CCDC81: variants seen among roughly 807,000 people sequenced by gnomAD.
The protein encoded by CCDC81 is coiled-coil domain-containing protein 81.
In CCDC81, 79 loss-of-function variants were observed where a neutral mutation model predicts 83.7. The ratio of observed to expected loss-of-function variants is 0.94; its 90% confidence interval spans 0.79 to 1.14. The LOEUF is 1.14. CCDC81 is among the 50% of genes most tolerant of loss of function. The pLI is 0.00. For synonymous variants in CCDC81, 252 were observed against 278.1 expected, an observed-to-expected ratio of 0.91 and a Z score of 0.93; for missense variants, 791 against 778.1, an observed-to-expected ratio of 1.02 and a Z score of -0.20.
chr11:86,422,050 C>T (rs1948798776), intron 14 of CCDC81, among the ~76,000 whole-genome samples: 1 of 152,152 alleles, frequency 6.6e-6, no homozygotes, highest in Non-Finnish European at 1.5e-5. Context: ...CTTTTAGTTG[C>T]TTTTGTCTTC....
chr11:86,397,891 C>A, intron 6 of CCDC81, 149 bp downstream of exon 6: 1 of 912,512 alleles, frequency 1.1e-6, no homozygotes, highest in Non-Finnish European at 1.5e-6. Flanking sequence ...TCGCTGTTGC[C>A]CAGGCTGTAG....
chr11:86,400,529 A>T, intron 6 of CCDC81, 149 bp from the exon 7 acceptor site: 2 of 780,830 alleles, frequency 2.6e-6, no homozygotes, highest in Non-Finnish European at 3.8e-6. Flanking sequence ...TACAGCAAAA[A>T]CATTTTTTTA....
At position 86,386,102 on chromosome 11, in the gene CCDC81, C is replaced by T. The variant is rs1326084006; in HGVS notation, c.131C>T (p.Thr44Ile). 2.8e-6 allele frequency: 4 copies of T among 1,436,296 alleles called. No homozygotes were observed. Among genetic ancestry groups the T allele is most frequent in the Non-Finnish European group, 3.8e-6 (4 of 1,058,090 alleles). 89.0% of individuals were successfully genotyped at this position (1,436,296 alleles called of 1,614,324 possible). ...NVSEFVRRQL[T>I]LHKGVQIPAF... ...TCAGAATTTGTGAGACGGCAGTTAACCCTGCACAAGGTAAGATTTATTAAT... is the reference window on the plus strand; with the variant it reads ...TCAGAATTTGTGAGACGGCAGTTAATCCTGCACAAGGTAAGATTTATTAAT... The change falls in exon 2 of 15, where the codon ACC (threonine) becomes ATC (isoleucine). Residue 44 changes from threonine to isoleucine, a missense_variant. Transcript: ENST00000445632.
rs569178637 is a variant in CCDC81, at chr11:86,397,516, A to C, written c.636-105A>C. ...CTCACCCCTTGAAGAAAGTGGGCTTATTTCAGAATCAGCCAGCTGGCTGGG... is the reference window on the plus strand; with the variant it reads ...CTCACCCCTTGAAGAAAGTGGGCTTCTTTCAGAATCAGCCAGCTGGCTGGG... On this transcript the variant is annotated intron_variant, in intron 5 of 14. Transcript: ENST00000445632. The C allele has an allele frequency of 2.2e-5, 31 of 1,389,896 alleles. No homozygotes were observed. In the African/African-American group the frequency reaches 3.9e-4, roughly 17 times the overall value. The allele number at this position is 1,389,896 out of a possible 1,614,324, so 86.1% of individuals were successfully genotyped here. A position where few individuals can be genotyped will look rare whatever the true frequency, so the allele number is the denominator to read the frequency against.
chr11:86,394,635 T>G (rs1281443123), intron 4 of CCDC81, among the ~76,000 whole-genome samples: 1 of 152,238 alleles, frequency 6.6e-6, no homozygotes, highest in Non-Finnish European at 1.5e-5. Context: ...TAATGCTGCT[T>G]TTATTAGAAA....
intron 1 of CCDC81, among the ~76,000 whole-genome samples, chr11:86,381,701 A>G (rs1039317208): frequency 1.3e-5 from 2 of 152,146 alleles, no homozygotes; most frequent in Non-Finnish European, 2.9e-5. Context: ...ACCCAAGAAG[A>G]GTTGTTGATT....
In CCDC81 at chr11:86,420,043, G is replaced by A. The variant is rs144706705; in HGVS notation, c.1807G>A (p.Ala603Thr). The stretch of plus-strand genomic sequence containing the variant: ...GAAGCAGCGAGACCTGGAGGACAAG[G>A]CTTTTGAACGGTAATGCCTGATTGG... Reference protein sequence around the residue: ...MKKQRDLEDKAFERASDKLFL... With the variant: ...MKKQRDLEDKTFERASDKLFL... The change falls in exon 14 of 15, where the codon GCT (alanine) becomes ACT (threonine). Residue 603 changes from alanine to threonine, a missense_variant. By Grantham distance (58) the Ala-to-Thr change is moderately conservative (BLOSUM62 0). Coordinates refer to ENST00000445632, the MANE Select transcript of CCDC81 (RefSeq NM_001156474.2). The A allele has an allele frequency of 2.9e-5, 46 of 1,612,990 alleles. No individual in the cohort carries two copies. The highest frequency in any genetic ancestry group is 3.9e-5 in the Non-Finnish European group (46 of 1,179,716).
chr11:86,422,114 C>A (rs1056765557), intron 14 of CCDC81, among the ~76,000 whole-genome samples: 6 of 152,228 alleles, frequency 3.9e-5, no homozygotes, highest in African/African-American at 7.2e-5. Context: ...CTTCTGGCCT[C>A]CTGGGATAGT....
At position 86,412,569 on chromosome 11, in the gene CCDC81, G is replaced by A. The variant is rs1203401423; in HGVS notation, c.1391+10G>A. 5 of 1,585,500 alleles carry A rather than the reference G, an allele frequency of 3.2e-6. No homozygotes were observed. Among genetic ancestry groups the A allele is most frequent in the Non-Finnish European group, 4.3e-6 (5 of 1,169,932 alleles). ...TGCAACTCACAGAGGAGTGAGTCCA[G>A]CTACACACGCTCTGACAAATGGATT... On this transcript the variant is annotated intron_variant, in intron 11 of 14. Transcript: ENST00000445632.
chr11:86,412,773 CCTG>C (rs1413739653), intron 11 of CCDC81, among the ~76,000 whole-genome samples: 1 of 152,106 alleles, frequency 6.6e-6, no homozygotes, highest in Non-Finnish European at 1.5e-5. Context: ...TCTTCAGTGC[CCTG>C]CTGCTCAAAC....
At chr11:86,385,078 T>C (rs1213100241) in intron 1 of CCDC81, among the ~76,000 whole-genome samples, 1 of 152,190 alleles carries the variant, frequency 6.6e-6, no homozygotes. Flanking sequence ...CCTACTCAAA[T>C]GTGTGTTTTT....
chr11:86,399,391 C>CT (rs1948453218), intron 6 of CCDC81, among the ~76,000 whole-genome samples: 1 of 152,172 alleles, frequency 6.6e-6, no homozygotes, highest in East Asian at 1.9e-4. Flanking sequence ...TCTTGGCTCA[C>CT]TGCAGCCTCA....
intron 7 of CCDC81, among the ~76,000 whole-genome samples, chr11:86,401,158 A>C (rs559876878): frequency 6.6e-6 from 1 of 152,306 alleles, no homozygotes; most frequent in South Asian, 2.1e-4. Context: ...ACAATGTTAT[A>C]TTTACATCAA....
chr11:86,416,001 C>A (rs1355392987), intron 13 of CCDC81, among the ~76,000 whole-genome samples: 1 of 152,150 alleles, frequency 6.6e-6, no homozygotes, highest in Non-Finnish European at 1.5e-5. Flanking sequence ...TTTGGCTGTT[C>A]TAACAGGTGC....
At chr11:86,399,733 C>G (rs1948458867) in intron 6 of CCDC81, among the ~76,000 whole-genome samples, 1 of 151,962 alleles carries the variant, frequency 6.6e-6, no homozygotes, top group African/African-American at 2.4e-5. Context: ...TCCTACTCAC[C>G]TTTTAGTACC....
chr11:86,407,976 T>A (rs1313606799), intron 8 of CCDC81, 151 bp from the exon 9 acceptor site: 3 of 718,442 alleles, frequency 4.2e-6, no homozygotes, highest in Non-Finnish European at 6.7e-6. Flanking sequence ...ATTTCTGGGG[T>A]CCACTCTGCA....
In CCDC81 at chr11:86,414,827, T is replaced by C. The variant is rs1442645597; in HGVS notation, c.1430T>C (p.Met477Thr). Reference protein sequence around the residue: ...AQRAKFLKDKMEETQCYKRAL... With the variant: ...AQRAKFLKDKTEETQCYKRAL... ...AGAGCGAAATTTTTAAAAGATAAGA[T>C]GGAAGAAACACAGTGTTACAAGAGA... The change falls in exon 12 of 15, where the codon ATG (methionine) becomes ACG (threonine). Residue 477 changes from methionine to threonine, a missense_variant. Coordinates refer to ENST00000445632, the MANE Select transcript of CCDC81 (RefSeq NM_001156474.2). 5 of 1,611,970 alleles carry C rather than the reference T, an allele frequency of 3.1e-6. No individual in the cohort carries two copies. The highest frequency in any genetic ancestry group is 4.2e-6 in the Non-Finnish European group (5 of 1,179,628).
chr11:86,406,452 C>T (rs1005214014), intron 7 of CCDC81, among the ~76,000 whole-genome samples: 2 of 152,068 alleles, frequency 1.3e-5, no homozygotes, highest in Admixed American at 1.3e-4. Flanking sequence ...AAAAATTCAG[C>T]ACTTCTATTA....
At position 86,386,063 on chromosome 11, in the gene CCDC81, T is replaced by C. The variant is rs1259377090; in HGVS notation, c.92T>C (p.Ile31Thr). ...TTTTGAATTTCAGAAGTCTCTATTA[T>C]CTGGGGGAATGTATCAGAATTTGTG... ...PSLSQEEVSIIWGNVSEFVRR... is the reference protein window; with the variant it reads ...PSLSQEEVSITWGNVSEFVRR... The change falls in exon 2 of 15, where the codon ATC becomes ACC. Residue 31 changes from isoleucine to threonine, a missense_variant. Physicochemically the swap from Ile to Thr is moderately conservative, Grantham distance 89. Transcript: ENST00000445632. 1 of 1,527,230 alleles carries C rather than the reference T, an allele frequency of 6.5e-7. No homozygotes were observed. The highest frequency in any genetic ancestry group is 8.9e-7 in the Non-Finnish European group (1 of 1,123,814). The allele number at this position is 1,527,230 out of a possible 1,614,324, so 94.6% of individuals were successfully genotyped here. A position where few individuals can be genotyped will look rare whatever the true frequency, so the allele number is the denominator to read the frequency against.
Sources: gnomAD v4.1 joint callset for allele counts (sites outside exome capture counted in the v4.1 genomes callset) on GRCh38, gnomAD v4.1.1 for gene constraint, MANE v1.5 for transcripts, NCBI Gene and HGNC (gene_info 2026-07-23, HGNC 2026-07-21) for gene names.